Variants in ANK3 observed in about 807,000 individuals in gnomAD.
ANK3 encodes ankyrin 3.
In ANK3, 57 loss-of-function variants were observed where a neutral mutation model predicts 370.9. The ratio of observed to expected loss-of-function variants is 0.15; its 90% CI spans 0.12 to 0.19. The LOEUF is 0.19. Among genes scored for constraint, ANK3 ranks in the 10% least tolerant of loss-of-function variants. The pLI is 1.00. For missense variants in ANK3, 4,439 were observed against 5,302.1 expected (o/e 0.84, Z 5.06); for synonymous variants, 1,929 against 1,946.3 (o/e 0.99, Z 0.23).
chr10:60,581,608 T>G (rs562481282), intron 2 of ANK3, among the ~76,000 whole-genome samples: 1 of 151,824 alleles, frequency 6.6e-6, no homozygotes, highest in Non-Finnish European at 1.5e-5. Flanking sequence ...TTTTTTTTTT[T>G]TTGTAGTTTT....
chr10:60,157,914 G>GAGAGAGAC (rs2095391236), intron 23 of ANK3, among the ~76,000 whole-genome samples: 1 of 149,110 alleles, frequency 6.7e-6, no homozygotes, highest in East Asian at 2.0e-4. Flanking sequence ...GAGAGAGAGA[G>GAGAGAGAC]AGAGAGAGAG....
chr10:60,111,852 G>C (rs1360132553), intron 26 of ANK3: 1 of 429,348 alleles, frequency 2.3e-6, no homozygotes, highest in African/African-American at 2.1e-5. Flanking sequence ...GACAAGCAAA[G>C]GAAAAATAAA....
chr10:60,412,732 T>C (rs2063585060), intron 2 of ANK3, among the ~76,000 whole-genome samples: 1 of 152,196 alleles, frequency 6.6e-6, no homozygotes, highest in South Asian at 2.1e-4. Flanking sequence ...GGTAGCCCCA[T>C]TGCTAATTAC....
At chr10:60,355,599 C>T (rs1468463588) in intron 1 of ANK3, among the ~76,000 whole-genome samples, 2 of 152,188 alleles carry the variant, frequency 1.3e-5, no homozygotes, top group Non-Finnish European at 2.9e-5. Context: ...AAAAGACAAG[C>T]TGGCTGAACA....
intron 7 of ANK3, among the ~76,000 whole-genome samples, chr10:60,241,144 C>A (rs1318472817): frequency 2.0e-5 from 3 of 152,016 alleles, no homozygotes; most frequent in African/African-American, 7.2e-5. Context: ...TTTGAAGGAA[C>A]CTGAGAATAT....
chr10:60,682,924 C>T (rs1209743219), intron 1 of ANK3, among the ~76,000 whole-genome samples: 1 of 152,180 alleles, frequency 6.6e-6, no homozygotes, highest in African/African-American at 2.4e-5. Context: ...TCATGGGAAT[C>T]CCAACTTGAA....
intron 7 of ANK3, among the ~76,000 whole-genome samples, chr10:60,235,421 T>C (rs1320394734): frequency 2.0e-5 from 3 of 152,204 alleles, no homozygotes; most frequent in Non-Finnish European, 1.5e-5. Flanking sequence ...ATTCTAATTG[T>C]GTTCTCCTTG....
At chr10:60,519,197 G>C (rs2133178279) in intron 2 of ANK3, among the ~76,000 whole-genome samples, 1 of 152,242 alleles carries the variant, frequency 6.6e-6, no homozygotes, top group Admixed American at 6.5e-5. Context: ...AGACATTAAA[G>C]AATGACAAGC....
chr10:60,644,474 C>T (rs1266906350), intron 1 of ANK3, among the ~76,000 whole-genome samples: 2 of 151,856 alleles, frequency 1.3e-5, no homozygotes, highest in East Asian at 1.9e-4. Context: ...AAAACCACTA[C>T]GTTTTAAATT....
rs527990930 is a variant in ANK3, at chr10:60,118,790, T to C, written c.2842-4459A>G. Among the ~76,000 whole-genome samples, 5 of 152,306 alleles carry C rather than the reference T, an allele frequency of 3.3e-5. No individual in the cohort carries two copies. The East Asian group carries it at 9.6e-4, about 29-fold the overall frequency. ...AATAATATCATTCCTCTTTGGTAAT[T>C]ACAGTAAATTATTTACCTTTGGTAC... On this transcript the variant is annotated intron_variant, in intron 25 of 43. Coordinates refer to ENST00000280772, the MANE Select transcript of ANK3 (RefSeq NM_020987.5).
chr10:60,101,904 G>T (rs562486333), intron 28 of ANK3, among the ~76,000 whole-genome samples: 3 of 151,938 alleles, frequency 2.0e-5, no homozygotes, highest in Non-Finnish European at 4.4e-5. Context: ...TGGCTCTTTT[G>T]TTCTACACAA....
intron 2 of ANK3, among the ~76,000 whole-genome samples, chr10:60,574,155 G>C (rs1438645618): frequency 6.6e-6 from 1 of 152,128 alleles, no homozygotes; most frequent in African/African-American, 2.4e-5. Flanking sequence ...AGCATATAAA[G>C]GGGGTTTGTG....
At chr10:60,259,997 G>A (rs2097781603) in intron 7 of ANK3, among the ~76,000 whole-genome samples, 1 of 152,168 alleles carries the variant, frequency 6.6e-6, no homozygotes, top group African/African-American at 2.4e-5. Context: ...AAAACTGACT[G>A]ACGCTCTCCA....
At chr10:60,628,612 A>C (rs925992780) in intron 1 of ANK3, among the ~76,000 whole-genome samples, 1 of 152,226 alleles carries the variant, frequency 6.6e-6, no homozygotes, top group African/African-American at 2.4e-5. Flanking sequence ...AATGGTTTCA[A>C]GAAAATAAAA....
intron 25 of ANK3, among the ~76,000 whole-genome samples, chr10:60,116,425 T>C (rs2093090961): frequency 6.6e-6 from 1 of 152,092 alleles, no homozygotes; most frequent in Non-Finnish European, 1.5e-5. Context: ...TGACCGTCAC[T>C]AGACTGCTGA....
At chr10:60,480,652 T>C (rs922226446) in intron 2 of ANK3, among the ~76,000 whole-genome samples, 2 of 152,102 alleles carry the variant, frequency 1.3e-5, no homozygotes, top group Non-Finnish European at 2.9e-5. Flanking sequence ...ATAATGAACA[T>C]GGAAATAAGG....
intron 28 of ANK3, among the ~76,000 whole-genome samples, chr10:60,102,306 GC>G (rs2091407396): frequency 6.6e-6 from 1 of 151,898 alleles, no homozygotes; most frequent in African/African-American, 2.4e-5. Context: ...AACTTACACG[GC>G]AGTTGTGACT....
chr10:60,631,440 G>T (rs1040706259), intron 1 of ANK3, among the ~76,000 whole-genome samples: 1 of 152,032 alleles, frequency 6.6e-6, no homozygotes, highest in African/African-American at 2.4e-5. Flanking sequence ...GCTGCGGCAC[G>T]AGAATTGCTT....
At position 60,069,473 on chromosome 10, in the gene ANK3, A is replaced by G; in HGVS notation, c.11408T>C (p.Met3803Thr). ...ATGTTCTGTCAGAACTATATTACTC[A>G]TAATGTTATCTGTCTGTATAGTGGA... ...DSSTIQTDNIMSNIVLTEHSA... is the reference protein window; with the variant it reads ...DSSTIQTDNITSNIVLTEHSA... Residue 3803 changes from methionine (M) to threonine (T), a missense_variant, in exon 37 of 44, where the codon ATG (methionine) becomes ACG (threonine). Physicochemically the swap from Met to Thr is moderately conservative, Grantham distance 81. Transcript: ENST00000280772. 1 of 1,613,910 alleles carries G rather than the reference A, an allele frequency of 6.2e-7. No homozygotes were observed. The highest frequency in any genetic ancestry group is 1.1e-5 in the South Asian group (1 of 91,050).
Sources: allele counts gnomAD v4.1 joint callset (sites outside exome capture counted in the v4.1 genomes callset), GRCh38; gene constraint gnomAD v4.1.1; transcripts MANE v1.5; gene names NCBI Gene and HGNC (gene_info 2026-07-23, HGNC 2026-07-21).